ELAVL4: variants seen among roughly 807,000 people sequenced by gnomAD.
The protein encoded by ELAVL4 is ELAV like RNA binding protein 4.
ELAVL4 carries 1 observed loss-of-function variant against 35.6 expected under a neutral mutation model. That is an observed-to-expected ratio of 0.03 (90% CI 0.01 to 0.13). ELAVL4 has a LOEUF of 0.13. ELAVL4 is among the 10% of genes least tolerant of loss of function. The pLI is 1.00. For synonymous variants in ELAVL4, 156 were observed against 171.0 expected, an observed-to-expected ratio of 0.91 and a Z score of 0.69; for missense variants, 267 against 464.9, an observed-to-expected ratio of 0.57 and a Z score of 3.91.
In ELAVL4 at chr1:50,109,067, T is replaced by A; in HGVS notation, c.-123T>A. On this transcript the variant is annotated 5_prime_UTR_variant, in exon 1 of 7. Coordinates refer to ENST00000371824, the MANE Select transcript of ELAVL4 (RefSeq NM_001144774.3). ...TGATTTGCTTTACAATCATCCACAC[T>A]GTGTTTTGTGGATCTTTAATTATAT... 1.2e-6 allele frequency: 1 copy of A among 841,840 alleles called. No individual in the cohort carries two copies. Among genetic ancestry groups the A allele is most frequent in the Non-Finnish European group, 1.4e-6 (1 of 700,558 alleles). 52.1% of individuals were successfully genotyped at this position (841,840 alleles called of 1,614,324 possible). A position where few individuals can be genotyped will look rare whatever the true frequency, so the allele number is the denominator to read the frequency against.
At chr1:50,143,460 A>C (rs1269044915) in intron 1 of ELAVL4, among the ~76,000 whole-genome samples, 1 of 152,128 alleles carries the variant, frequency 6.6e-6, no homozygotes, top group Admixed American at 6.5e-5. Context: ...GTAACTAATA[A>C]ACATCAGTGA....
chr1:50,111,038 T>C (rs4357572), intron 1 of ELAVL4, among the ~76,000 whole-genome samples: 1 of 151,930 alleles, frequency 6.6e-6, no homozygotes, highest in East Asian at 1.9e-4. Context: ...CTTTAATTAT[T>C]CGTTATTAAT....
In ELAVL4 at chr1:50,195,825, G is replaced by A. The variant is rs747430534; in HGVS notation, c.734+39G>A. On this transcript the variant is annotated intron_variant, in intron 5 of 6. Transcript: ENST00000371824. ...AAGAGGAAGAAGCCCTGCTACAGGG[G>A]TTCATAGCTGGGCAAGAGCCAGGGA... The A allele has an allele frequency of 3.1e-6, 5 of 1,607,704 alleles. No homozygotes were observed. The South Asian group carries it at 5.5e-5, about 18-fold the overall frequency.
intron 1 of ELAVL4, among the ~76,000 whole-genome samples, chr1:50,142,624 T>C (rs1159347063): frequency 1.3e-5 from 2 of 152,136 alleles, no homozygotes; most frequent in African/African-American, 2.4e-5. Context: ...TCTCTGAACA[T>C]TGATGAGGAT....
upstream of ELAVL4, among the ~76,000 whole-genome samples, chr1:50,102,296 TA>T (rs1210398911): frequency 7.2e-6 from 1 of 139,066 alleles, no homozygotes; most frequent in African/African-American, 2.7e-5. Context: ...AAAAATAAAA[TA>T]ATAAAATAAA....
chr1:50,112,602 A>G (rs1324017287), intron 1 of ELAVL4, among the ~76,000 whole-genome samples: 1 of 152,172 alleles, frequency 6.6e-6, no homozygotes, highest in Non-Finnish European at 1.5e-5. Context: ...ATCATTTAAT[A>G]TTTAAATTTT....
At position 50,135,709 on chromosome 1, in the gene ELAVL4, C is replaced by T. The variant is rs1022493405; in HGVS notation, c.10-9248C>T. On this transcript the variant is annotated intron_variant, in intron 1 of 6. Transcript: ENST00000371824. ...GTCTTTCAGGTTATTTGTGCCTCTG[C>T]CCAAAGGTATTATTAAGCTGTCAGC... Among the ~76,000 whole-genome samples, 3 of 152,146 alleles carry T rather than the reference C, an allele frequency of 2.0e-5. No individual in the cohort carries two copies. The South Asian group carries it at 6.2e-4, about 32-fold the overall frequency.
intron 2 of ELAVL4, among the ~76,000 whole-genome samples, chr1:50,147,655 A>C (rs1210392830): frequency 6.6e-6 from 1 of 152,166 alleles, no homozygotes; most frequent in Admixed American, 6.5e-5. Context: ...AAATGACATC[A>C]TGGGTATTTT....
Position 50,109,015 on chromosome 1 carries a change from T to TCGGGGGGGGGGGGGG in ELAVL4, c.-174_-173insGGGGGGGGGGGGGGC. The TCGGGGGGGGGGGGGG allele has an allele frequency of 8.3e-6, 8 of 960,968 alleles. No individual in the cohort carries two copies. Among genetic ancestry groups the TCGGGGGGGGGGGGGG allele is most frequent in the Non-Finnish European group, 9.8e-6 (8 of 816,864 alleles). 59.5% of individuals were successfully genotyped at this position (960,968 alleles called of 1,614,324 possible). A position where few individuals can be genotyped will look rare whatever the true frequency, so the allele number is the denominator to read the frequency against. On this transcript the variant is annotated 5_prime_UTR_variant, in exon 1 of 7. Transcript: ENST00000371824. ...GCTCCTTTTCTTTTTTTTCTTTCTC[T>TCGGGGGGGGGGGGGG]CCCCCGCCCACCCCCCCAAAAATAA...
intron 3 of ELAVL4, among the ~76,000 whole-genome samples, chr1:50,192,519 GCA>G (rs5774068): frequency 0.042 from 5,940 of 140,382 alleles, 155 homozygotes; most frequent in African/African-American, 0.068. Flanking sequence ...TTGTGTGCAC[GCA>G]CACACACACA....
intron 3 of ELAVL4, among the ~76,000 whole-genome samples, chr1:50,182,963 T>C (rs1681271808): frequency 6.6e-6 from 1 of 151,958 alleles, no homozygotes; most frequent in African/African-American, 2.4e-5. Flanking sequence ...GATCAAGCAA[T>C]TCTCCTGCCT....
chr1:50,189,039 G>A lies in ELAVL4; in HGVS notation c.355-4726G>A, dbSNP rs193160416. On this transcript the variant is annotated intron_variant, in intron 3 of 6. Transcript: ENST00000371824. ...CTGGCACATAGTAGATGTTTAGGAA[G>A]GGGAGGAATGAATGAACTCCCATCT... is the stretch of plus-strand genomic sequence containing the variant. Among the ~76,000 whole-genome samples the A allele has an allele frequency of 6.3e-4, 96 of 152,282 alleles. 1 individual carries two copies. The highest frequency in any genetic ancestry group is 2.1e-3 in the African/African-American group (86 of 41,554).
intron 1 of ELAVL4, among the ~76,000 whole-genome samples, chr1:50,136,758 G>A (rs1341747063): frequency 6.6e-6 from 1 of 152,164 alleles, no homozygotes; most frequent in Non-Finnish European, 1.5e-5. Flanking sequence ...ATCATGTTCT[G>A]TGACCTTCTT....
At chr1:50,107,452 T>A, upstream of ELAVL4, among the ~76,000 whole-genome samples, 1 of 152,202 alleles carries the variant, frequency 6.6e-6, no homozygotes, top group Non-Finnish European at 1.5e-5. Flanking sequence ...TATATATGTA[T>A]GTTTATATGT....
intron 1 of ELAVL4, among the ~76,000 whole-genome samples, chr1:50,093,966 A>C (rs573872475): frequency 6.6e-6 from 1 of 152,336 alleles, no homozygotes; most frequent in African/African-American, 2.4e-5. Context: ...AACAGTACCT[A>C]CCTTATAGGA....
chr1:50,093,764 T>A (rs1397491306), intron 1 of ELAVL4, among the ~76,000 whole-genome samples: 29 of 152,228 alleles, frequency 1.9e-4, no homozygotes, highest in Non-Finnish European at 1.0e-4. Flanking sequence ...CCCGTAAGTA[T>A]GAACAAAACG....
At chr1:50,160,936 T>C (rs967966570) in intron 2 of ELAVL4, among the ~76,000 whole-genome samples, 75 of 152,352 alleles carry the variant, frequency 4.9e-4, no homozygotes, top group Middle Eastern at 3.4e-3. Context: ...TGTCTTAGTG[T>C]TAAATATAGC....
chr1:50,119,339 G>A (rs1486671173), intron 1 of ELAVL4, among the ~76,000 whole-genome samples: 1 of 151,988 alleles, frequency 6.6e-6, no homozygotes, highest in East Asian at 1.9e-4. Context: ...TGGTATAGAA[G>A]ATGTTTGTCC....
intron 1 of ELAVL4, among the ~76,000 whole-genome samples, chr1:50,141,153 T>C (rs1035670131): frequency 6.6e-6 from 1 of 152,318 alleles, no homozygotes; most frequent in East Asian, 1.9e-4. Flanking sequence ...AAACGAAAGA[T>C]GAACCTGACT....
Sources: allele counts gnomAD v4.1 joint callset (sites outside exome capture counted in the v4.1 genomes callset), GRCh38; gene constraint gnomAD v4.1.1; transcripts MANE v1.5; gene names NCBI Gene and HGNC (gene_info 2026-07-23, HGNC 2026-07-21).